OPCML: variants seen among roughly 807,000 people sequenced by gnomAD.
OPCML encodes the protein opioid-binding protein/cell adhesion molecule.
OPCML carries 13 observed loss-of-function variants against 37.8 expected under a neutral mutation model. The observed-to-expected ratio is 0.34, with a 90% CI of 0.22 to 0.55. OPCML has a LOEUF of 0.55. Among genes scored for constraint, OPCML ranks in the 20% least tolerant of loss-of-function variants. OPCML has a pLI of 0.91. For synonymous variants in OPCML, 176 were observed against 168.8 expected, an observed-to-expected ratio of 1.04 and a Z score of -0.33; for missense variants, 341 against 435.6, an observed-to-expected ratio of 0.78 and a Z score of 1.93.
chr11:133,355,641 G>T (rs1159934466), intron 1 of OPCML, among the ~76,000 whole-genome samples: 1 of 152,174 alleles, frequency 6.6e-6, no homozygotes, highest in Non-Finnish European at 1.5e-5. Context: ...CCTCAGCCCA[G>T]TGCCCTTCCT....
intron 1 of OPCML, among the ~76,000 whole-genome samples, chr11:133,200,928 C>A (rs1368029176): frequency 2.0e-5 from 3 of 152,110 alleles, no homozygotes; most frequent in Non-Finnish European, 4.4e-5. Context: ...GGTACATACA[C>A]ACTATGGAAT....
At chr11:133,314,705 G>T (rs1336713734) in intron 1 of OPCML, among the ~76,000 whole-genome samples, 1 of 152,110 alleles carries the variant, frequency 6.6e-6, no homozygotes, top group African/African-American at 2.4e-5. Flanking sequence ...CGACTCAATG[G>T]TCTCCCCCAC....
chr11:132,613,308 G>A (rs1938779961), intron 3 of OPCML, among the ~76,000 whole-genome samples: 1 of 152,216 alleles, frequency 6.6e-6, no homozygotes, highest in Non-Finnish European at 1.5e-5. Context: ...TTTACAAAAG[G>A]AGGAGCTCAT....
intron 1 of OPCML, among the ~76,000 whole-genome samples, chr11:133,115,836 T>G (rs4417277): frequency 0.62 from 93,617 of 151,322 alleles, 29,039 homozygotes; most frequent in East Asian, 0.8. Context: ...TATCATTTGT[T>G]TTCACATGTT....
At chr11:133,023,973 C>T (rs969309207) in intron 1 of OPCML, among the ~76,000 whole-genome samples, 1 of 152,156 alleles carries the variant, frequency 6.6e-6, no homozygotes, top group African/African-American at 2.4e-5. Flanking sequence ...CAGCCAGCAG[C>T]ATGGATCAGA....
chr11:133,278,386 C>A (rs1942050955), intron 1 of OPCML, among the ~76,000 whole-genome samples: 1 of 152,054 alleles, frequency 6.6e-6, no homozygotes, highest in Non-Finnish European at 1.5e-5. Flanking sequence ...CTTTATAAAT[C>A]TCTTTCTTTA....
chr11:133,509,875 G>T (rs73025680), intron 1 of OPCML, among the ~76,000 whole-genome samples: 1 of 152,034 alleles, frequency 6.6e-6, no homozygotes, highest in Non-Finnish European at 1.5e-5. Context: ...CCTTTGTGAG[G>T]CACCACCTCT....
At chr11:133,027,491 T>A (rs77873729) in intron 1 of OPCML, among the ~76,000 whole-genome samples, 11 of 119,394 alleles carry the variant, frequency 9.2e-5, no homozygotes, top group Non-Finnish European at 1.4e-4. Flanking sequence ...GTGTGTGTGT[T>A]GTGTGTGTGT....
chr11:132,777,038 C>T lies in OPCML; in HGVS notation c.147-119719G>A, dbSNP rs114073735. On this transcript the variant is annotated intron_variant, in intron 2 of 7. Coordinates refer to ENST00000524381, the MANE Select transcript of OPCML (RefSeq NM_001012393.5). ...AAGCTGGGAAGGCTTCCCACACTAC[C>T]CTTCTCCATGCACCATCACCAAAGG... Among the ~76,000 whole-genome samples, 5 of 152,246 alleles carry T rather than the reference C, an allele frequency of 3.3e-5. No homozygotes were observed. The East Asian group carries it at 9.7e-4, about 29-fold the overall frequency.
chr11:132,841,810 A>G (rs941280781), intron 2 of OPCML, among the ~76,000 whole-genome samples: 5 of 146,198 alleles, frequency 3.4e-5, no homozygotes, highest in African/African-American at 1.3e-4. Flanking sequence ...TCAGTGAACC[A>G]AGATTGTACC....
chr11:133,158,936 C>T (rs933954182), intron 1 of OPCML, among the ~76,000 whole-genome samples: 2 of 151,964 alleles, frequency 1.3e-5, no homozygotes, highest in African/African-American at 4.8e-5. Flanking sequence ...TTGATTTGAA[C>T]CAGGCAAAAC....
chr11:133,380,661 A>G (rs1486680657), intron 1 of OPCML, among the ~76,000 whole-genome samples: 3 of 152,162 alleles, frequency 2.0e-5, no homozygotes, highest in African/African-American at 7.2e-5. Flanking sequence ...ATATTTTTTA[A>G]TCAAAAATAA....
chr11:132,804,135 C>A (rs1938853181), intron 2 of OPCML, among the ~76,000 whole-genome samples: 1 of 152,108 alleles, frequency 6.6e-6, no homozygotes, highest in African/African-American at 2.4e-5. Context: ...AGAAGGTGAG[C>A]CCCACAGTTC....
At chr11:132,433,553 G>A (rs1176300123) in intron 7 of OPCML, among the ~76,000 whole-genome samples, 1 of 152,164 alleles carries the variant, frequency 6.6e-6, no homozygotes, top group Non-Finnish European at 1.5e-5. Flanking sequence ...GCTGAATTGG[G>A]ATGTAAATGT....
At chr11:132,849,704 G>C (rs973409852) in intron 2 of OPCML, among the ~76,000 whole-genome samples, 3 of 152,190 alleles carry the variant, frequency 2.0e-5, no homozygotes, top group Admixed American at 6.5e-5. Context: ...GGACCAGTAA[G>C]TAGAAAGCAG....
chr11:132,549,144 C>T (rs183583800), intron 3 of OPCML, among the ~76,000 whole-genome samples: 9 of 152,246 alleles, frequency 5.9e-5, no homozygotes, highest in East Asian at 1.9e-4. Flanking sequence ...GTGGTAAAGA[C>T]GCCGGCCAAA....
intron 2 of OPCML, among the ~76,000 whole-genome samples, chr11:132,666,721 T>C (rs1009547077): frequency 6.6e-6 from 1 of 152,094 alleles, no homozygotes; most frequent in Non-Finnish European, 1.5e-5. Context: ...AGGGCAGCCA[T>C]GTGGGGTCTG....
chr11:132,527,830 C>T, intron 4 of OPCML, among the ~76,000 whole-genome samples: 1 of 152,092 alleles, frequency 6.6e-6, no homozygotes, highest in East Asian at 1.9e-4. Context: ...CTCGTGTGGA[C>T]ACTGATATAT....
intron 2 of OPCML, among the ~76,000 whole-genome samples, chr11:132,678,555 A>G (rs1942808335): frequency 6.6e-6 from 1 of 152,236 alleles, no homozygotes; most frequent in Non-Finnish European, 1.5e-5. Context: ...AATACTATTC[A>G]GTAGTAAAAA....
Sources: gnomAD v4.1 joint callset for allele counts (sites outside exome capture counted in the v4.1 genomes callset) on GRCh38, gnomAD v4.1.1 for gene constraint, MANE v1.5 for transcripts, NCBI Gene and HGNC (gene_info 2026-07-23, HGNC 2026-07-21) for gene names.